NARS2: variants seen among roughly 807,000 people sequenced by gnomAD.
NARS2 encodes asparaginyl-tRNA synthetase 2, mitochondrial, also known as asparaginyl-tRNA synthetase.
Under a neutral mutation model 62.9 loss-of-function variants are expected in NARS2, and 60 were observed. The ratio of observed to expected loss-of-function variants is 0.95; its 90% CI spans 0.77 to 1.18. The LOEUF is 1.18. Ranked by LOEUF, NARS2 falls within the 50% of genes most tolerant of loss-of-function variation. The probability of loss-of-function intolerance (pLI) is 0.00; values close to 1 mark genes in which losing one functional copy is unlikely to be tolerated. For synonymous variants in NARS2, 196 were observed against 200.0 expected (o/e 0.98, Z 0.17); for missense variants, 619 against 576.4 (o/e 1.07, Z -0.76).
At chr11:78,520,211 G>GT (rs996467068) in intron 6 of NARS2, among the ~76,000 whole-genome samples, 1 of 152,182 alleles carries the variant, frequency 6.6e-6, no homozygotes, top group African/African-American at 2.4e-5. Context: ...TGAAATCAAA[G>GT]TGCCAGCAAG....
At chr11:78,480,106 C>T (rs1438984421) in intron 7 of NARS2, among the ~76,000 whole-genome samples, 1 of 152,016 alleles carries the variant, frequency 6.6e-6, no homozygotes, top group African/African-American at 2.4e-5. Flanking sequence ...CGCTATATTG[C>T]CCAGACTGGT....
intron 13 of NARS2, among the ~76,000 whole-genome samples, chr11:78,439,250 G>A (rs1268529304): frequency 2.0e-5 from 3 of 152,106 alleles, no homozygotes; most frequent in Admixed American, 2.0e-4. Context: ...TGTTGGTCAG[G>A]CTGGTCTCGA....
At chr11:78,449,133 G>GTTTTTTTT (rs201937471) in intron 11 of NARS2, among the ~76,000 whole-genome samples, 8 of 100,042 alleles carry the variant, frequency 8.0e-5, no homozygotes, top group African/African-American at 1.3e-4. Context: ...CCTAAAAAAT[G>GTTTTTTTT]TTTTTTTTTT....
In NARS2 at chr11:78,557,817, AT is replaced by A. The variant is rs1228974884; in HGVS notation, c.594+1721del. 6.8e-5 allele frequency among the ~76,000 whole-genome samples: 10 copies of A among 147,490 alleles called. 1 individual carries two copies. The East Asian group carries it at 1.2e-3, about 17-fold the overall frequency. On this transcript the variant is annotated intron_variant, in intron 5 of 13. Transcript: ENST00000281038. The stretch of plus-strand genomic sequence containing the variant: ...TGTATATATATCATATATATCTTAT[AT>A]TATATATATATATCTCTCTTATATT...
At chr11:78,472,223 T>C (rs1458420308) in intron 9 of NARS2, among the ~76,000 whole-genome samples, 1 of 152,234 alleles carries the variant, frequency 6.6e-6, no homozygotes, top group African/African-American at 2.4e-5. Flanking sequence ...TTGATATGTA[T>C]AGAAAATAAT....
chr11:78,542,006 A>T (rs1855639962), intron 5 of NARS2, among the ~76,000 whole-genome samples: 1 of 152,216 alleles, frequency 6.6e-6, no homozygotes, highest in Admixed American at 6.5e-5. Context: ...AATTTCCAAT[A>T]AGTCCAGTTT....
chr11:78,457,679 A>C (rs1392148931), intron 11 of NARS2, among the ~76,000 whole-genome samples: 1 of 152,182 alleles, frequency 6.6e-6, no homozygotes, highest in South Asian at 2.1e-4. Context: ...GTGTGAGACC[A>C]CATTACTAGA....
chr11:78,502,101 T>C (rs1860301871), intron 6 of NARS2, among the ~76,000 whole-genome samples: 1 of 152,190 alleles, frequency 6.6e-6, no homozygotes, highest in Non-Finnish European at 1.5e-5. Context: ...TTCCTGTATA[T>C]GAAATATCCA....
chr11:78,440,458 G>T (rs1857541834), intron 13 of NARS2, among the ~76,000 whole-genome samples: 1 of 152,162 alleles, frequency 6.6e-6, no homozygotes, highest in Admixed American at 6.5e-5. Context: ...TGGGCCTCAT[G>T]CCTAGGGAGT....
At chr11:78,455,751 G>T (rs1399494347) in intron 11 of NARS2, among the ~76,000 whole-genome samples, 1 of 152,000 alleles carries the variant, frequency 6.6e-6, no homozygotes, top group Non-Finnish European at 1.5e-5. Context: ...CATATATGCT[G>T]TATTTCTGCC....
intron 9 of NARS2, among the ~76,000 whole-genome samples, chr11:78,472,549 G>T (rs1053875640): frequency 1.3e-5 from 2 of 152,106 alleles, no homozygotes; most frequent in African/African-American, 4.8e-5. Flanking sequence ...TCTGCATAAA[G>T]GCTAAATTCC....
At chr11:78,561,214 T>C (rs898776839) in intron 4 of NARS2, among the ~76,000 whole-genome samples, 1 of 152,206 alleles carries the variant, frequency 6.6e-6, no homozygotes, top group Non-Finnish European at 1.5e-5. Flanking sequence ...CTTATCAAAG[T>C]TCCTAACGTT....
intron 7 of NARS2, among the ~76,000 whole-genome samples, chr11:78,490,380 C>T (rs1371253796): frequency 1.3e-5 from 2 of 152,186 alleles, no homozygotes; most frequent in Admixed American, 6.5e-5. Flanking sequence ...TAGTACAAGG[C>T]AATGCTCTGA....
chr11:78,462,205 G>A lies in NARS2; in HGVS notation c.1164+3671C>T, dbSNP rs578101831. ...ACATGGTGTGTGTGTTGGAGGGGGA[G>A]CTGGAATTGGAATGGGCTGGAGTGA... On this transcript the variant is annotated intron_variant, in intron 11 of 13. Transcript: ENST00000281038. Among the ~76,000 whole-genome samples, 3 of 152,236 alleles carry A rather than the reference G, an allele frequency of 2.0e-5. No homozygotes were observed. In the South Asian group the frequency reaches 6.2e-4, roughly 32 times the overall value.
rs369110182 is a variant in NARS2, at chr11:78,566,153, A to G, written c.492T>C (p.Ala164=). 228 of 1,609,750 alleles carry G rather than the reference A, an allele frequency of 1.4e-4. 1 individual carries two copies. Among genetic ancestry groups the G allele is most frequent in the Non-Finnish European group, 1.2e-4 (146 of 1,177,950 alleles). Residue 164 remains alanine (A), a synonymous_variant, in exon 4 of 14, where the codon GCT becomes GCC. Coordinates refer to ENST00000281038, the MANE Select transcript of NARS2 (RefSeq NM_024678.6). ...SILRIRSEAT[A]AIHSFFKDSG... The stretch of plus-strand genomic sequence containing the variant: ...TTACCTTAAAGAAAGAATGAATAGC[A>G]GCTGTCGCTTCACTGCGAATCCTCA...
chr11:78,563,883 C>CAATATT (rs1453360896), intron 4 of NARS2, among the ~76,000 whole-genome samples: 947 of 93,088 alleles, frequency 0.01, 43 homozygotes, highest in African/African-American at 0.047. Flanking sequence ...TACACACACA[C>CAATATT]AGTATTATTA....
intron 10 of NARS2, among the ~76,000 whole-genome samples, chr11:78,468,659 CT>C (rs1858736444): frequency 6.6e-6 from 1 of 152,098 alleles, no homozygotes; most frequent in Non-Finnish European, 1.5e-5. Flanking sequence ...CCGCCTCAGC[CT>C]CCCAAAGTAC....
intron 11 of NARS2, among the ~76,000 whole-genome samples, chr11:78,462,502 G>A (rs888535779): frequency 1.3e-5 from 2 of 152,108 alleles, no homozygotes; most frequent in Non-Finnish European, 2.9e-5. Flanking sequence ...TTAGGCAGTT[G>A]GAAGAAGTGG....
At chr11:78,461,728 C>A (rs1450250442) in intron 11 of NARS2, among the ~76,000 whole-genome samples, 1 of 150,620 alleles carries the variant, frequency 6.6e-6, no homozygotes, top group Non-Finnish European at 1.5e-5. Flanking sequence ...GGATGGACTG[C>A]CTGAGCTCAG....
Sources: allele counts gnomAD v4.1 joint callset (sites outside exome capture counted in the v4.1 genomes callset), GRCh38; gene constraint gnomAD v4.1.1; transcripts MANE v1.5; gene names NCBI Gene and HGNC (gene_info 2026-07-23, HGNC 2026-07-21).